Variants in PARP8 observed in about 807,000 individuals in gnomAD.
PARP8 encodes the protein protein mono-ADP-ribosyltransferase PARP8.
PARP8 carries 51 observed loss-of-function variants against 124.1 expected under a neutral mutation model. That is an observed-to-expected ratio of 0.41 (90% CI 0.33 to 0.52). The LOEUF (loss-of-function observed/expected upper bound fraction) is 0.52. Ranked by LOEUF, PARP8 falls within the 20% of genes least tolerant of loss-of-function variation. The pLI is 0.21. For synonymous variants in PARP8, 391 were observed against 361.5 expected, an observed-to-expected ratio of 1.08 and a Z score of -0.93; for missense variants, 860 against 1,018.9, an observed-to-expected ratio of 0.84 and a Z score of 2.12.
chr5:50,778,943 A>C (rs567303737), intron 9 of PARP8, among the ~76,000 whole-genome samples: 1 of 152,144 alleles, frequency 6.6e-6, no homozygotes, highest in Non-Finnish European at 1.5e-5. Flanking sequence ...GTAAATATAT[A>C]TATTTTGGGT....
rs1369675925 is a variant in PARP8, at chr5:50,667,154, A to G, written c.59A>G (p.Lys20Arg). The change falls in exon 1 of 26, where the codon AAG becomes AGG. Residue 20 changes from lysine to arginine, a missense_variant. Lys to Arg is a conservative substitution (Grantham distance 26, BLOSUM62 2). This residue lies in a region of PARP8 where 517 missense variants were observed against 544.2 expected (regional missense o/e 0.95). Coordinates refer to ENST00000281631, the MANE Select transcript of PARP8 (RefSeq NM_024615.4). Reference protein sequence around the residue: ...IQKDIDVVIQKSRAEKDCLFA... With the variant: ...IQKDIDVVIQRSRAEKDCLFA... Reference sequence around the variant, plus strand: ...AAGGATATCGACGTCGTGATCCAGAAGTCCAGAGCTGAGAAGGACTGCCTG... The same window carrying G: ...AAGGATATCGACGTCGTGATCCAGAGGTCCAGAGCTGAGAAGGACTGCCTG... The G allele has an allele frequency of 1.3e-6, 2 of 1,596,372 alleles. No homozygotes were observed. The highest frequency in any genetic ancestry group is 3.3e-5 in the Admixed American group (2 of 60,012).
At chr5:50,684,366 G>C (rs957582230) in intron 2 of PARP8, among the ~76,000 whole-genome samples, 1 of 152,012 alleles carries the variant, frequency 6.6e-6, no homozygotes, top group Non-Finnish European at 1.5e-5. Flanking sequence ...TTGATCTTAG[G>C]GGGGCTGATT....
In PARP8 at chr5:50,764,588, A is replaced by G. The variant is rs578097270; in HGVS notation, c.518+1346A>G. On this transcript the variant is annotated intron_variant, in intron 7 of 25. Transcript: ENST00000281631. ...GTCTCTGTTCTATTCATGAAGGTAT[A>G]TTAGGCTACAATTGAGTGAAAGTGT... Among the ~76,000 whole-genome samples the G allele has an allele frequency of 8.5e-5, 13 of 152,362 alleles. No homozygotes were observed. The South Asian group carries it at 1.7e-3, about 19-fold the overall frequency.
intron 25 of PARP8, among the ~76,000 whole-genome samples, chr5:50,836,750 A>G (rs971067490): frequency 2.0e-5 from 3 of 152,162 alleles, no homozygotes; most frequent in African/African-American, 7.2e-5. Flanking sequence ...AGCTTATTAA[A>G]TATTTTTTTC....
intron 2 of PARP8, among the ~76,000 whole-genome samples, chr5:50,730,688 A>G (rs1211231281): frequency 2.6e-5 from 4 of 152,220 alleles, no homozygotes; most frequent in African/African-American, 9.6e-5. Context: ...GCTAATATGA[A>G]CCAGTACATT....
At chr5:50,713,117 T>C (rs1754944649) in intron 2 of PARP8, among the ~76,000 whole-genome samples, 1 of 152,118 alleles carries the variant, frequency 6.6e-6, no homozygotes, top group South Asian at 2.1e-4. Flanking sequence ...TCCCCATTTA[T>C]AAAATGGCTG....
At chr5:50,840,376 G>T (rs1748050573) in intron 25 of PARP8, among the ~76,000 whole-genome samples, 1 of 151,824 alleles carries the variant, frequency 6.6e-6, no homozygotes, top group Non-Finnish European at 1.5e-5. Flanking sequence ...TTAAGAAAAT[G>T]GAAACAAGAT....
chr5:50,718,775 A>G (rs1421660108), intron 2 of PARP8, among the ~76,000 whole-genome samples: 17 of 152,038 alleles, frequency 1.1e-4, no homozygotes, highest in Admixed American at 1.1e-3. Flanking sequence ...GTGCATCAGT[A>G]AGCATGGGAG....
chr5:50,833,349 T>C, intron 23 of PARP8: 1 of 436,556 alleles, frequency 2.3e-6, no homozygotes, highest in South Asian at 1.6e-5. Context: ...GCGTGAGCCA[T>C]GTGACTCTCT....
At chr5:50,679,206 G>T (rs1338980397) in intron 2 of PARP8, among the ~76,000 whole-genome samples, 2 of 152,022 alleles carry the variant, frequency 1.3e-5, no homozygotes, top group African/African-American at 4.8e-5. Flanking sequence ...AATGCATGCA[G>T]TTTTCTTTTC....
chr5:50,675,290 T>C (rs1238955187), intron 2 of PARP8, among the ~76,000 whole-genome samples: 1 of 152,220 alleles, frequency 6.6e-6, no homozygotes, highest in Non-Finnish European at 1.5e-5. Flanking sequence ...ATTTGTGTTT[T>C]CATCATTGTT....
At chr5:50,767,022 A>G (rs1286393262) in intron 7 of PARP8, among the ~76,000 whole-genome samples, 9 of 151,790 alleles carry the variant, frequency 5.9e-5, no homozygotes, top group Admixed American at 2.6e-4. Flanking sequence ...ATTTCCTTTC[A>G]CTCTTTAGTG....
At chr5:50,824,051 A>G (rs1489087975) in intron 17 of PARP8, among the ~76,000 whole-genome samples, 2 of 152,230 alleles carry the variant, frequency 1.3e-5, no homozygotes, top group African/African-American at 2.4e-5. Context: ...GTACTGTCCT[A>G]TACGTAGCCC....
chr5:50,793,492 G>T (rs1203074706), intron 10 of PARP8, among the ~76,000 whole-genome samples: 1 of 152,076 alleles, frequency 6.6e-6, no homozygotes, highest in Non-Finnish European at 1.5e-5. Context: ...AAGCACTGAT[G>T]GAGTGATTTT....
At chr5:50,839,736 T>G (rs1184566521) in intron 25 of PARP8, among the ~76,000 whole-genome samples, 1 of 151,816 alleles carries the variant, frequency 6.6e-6, no homozygotes, top group Non-Finnish European at 1.5e-5. Context: ...CTCTGCTCTC[T>G]CTTCCTCTGT....
intron 2 of PARP8, among the ~76,000 whole-genome samples, chr5:50,729,889 C>T (rs1299143328): frequency 6.6e-6 from 1 of 152,110 alleles, no homozygotes; most frequent in Non-Finnish European, 1.5e-5. Context: ...CATTTTCTAT[C>T]TTTTATTAAA....
chr5:50,771,451 G>C (rs779838666), intron 7 of PARP8, among the ~76,000 whole-genome samples: 1 of 152,116 alleles, frequency 6.6e-6, no homozygotes, highest in South Asian at 2.1e-4. Context: ...GAGCCACTGC[G>C]CCCAACCAAT....
chr5:50,801,939 T>G (rs569363496), intron 14 of PARP8, among the ~76,000 whole-genome samples: 1 of 152,352 alleles, frequency 6.6e-6, no homozygotes, highest in Admixed American at 6.5e-5. Context: ...AGCTCTCTAT[T>G]GGTTATTATT....
chr5:50,787,150 T>C (rs1741349932), intron 9 of PARP8, among the ~76,000 whole-genome samples: 6 of 152,148 alleles, frequency 3.9e-5, no homozygotes, highest in Admixed American at 3.9e-4. Context: ...CCGCAAAATC[T>C]GTCCACTCTC....
Sources: gnomAD v4.1 joint callset for allele counts (sites outside exome capture counted in the v4.1 genomes callset) on GRCh38, gnomAD v4.1.1 for gene constraint, gnomAD v4.1.1 regional missense constraint, MANE v1.5 for transcripts, NCBI Gene and HGNC (gene_info 2026-07-23, HGNC 2026-07-21) for gene names.